Variants in PPP4R3B observed in about 807,000 individuals in gnomAD.
PPP4R3B encodes the protein protein phosphatase 4 regulatory subunit 3B.
Under a neutral mutation model 95.4 loss-of-function variants are expected in PPP4R3B, and 52 were observed. The ratio of observed to expected loss-of-function variants is 0.54; its 90% CI spans 0.44 to 0.69. The LOEUF (loss-of-function observed/expected upper bound fraction) is 0.69, where lower values mean the gene tolerates loss of function less well. PPP4R3B is among the 30% of genes least tolerant of loss of function. The pLI is 0.00. For synonymous variants in PPP4R3B, 407 were observed against 343.9 expected (o/e 1.18, Z -2.03); for missense variants, 1,003 against 1,005.9 (o/e 1.00, Z 0.04).
chr2:55,594,215 T>C (rs537355972), intron 4 of PPP4R3B, among the ~76,000 whole-genome samples: 3 of 151,084 alleles, frequency 2.0e-5, no homozygotes, highest in African/African-American at 7.3e-5. Flanking sequence ...AATATCACGG[T>C]GATGGGTACA....
intron 13 of PPP4R3B, 75 bp from the exon 14 acceptor site, chr2:55,565,116 G>A: frequency 3.2e-6 from 4 of 1,240,948 alleles, no homozygotes; most frequent in Non-Finnish European, 4.3e-6. Flanking sequence ...ATTTTGTTTT[G>A]TAGTTCTAAA....
chr2:55,598,367 G>A (rs1460339644), intron 4 of PPP4R3B, 49 bp downstream of exon 4: 3 of 1,566,408 alleles, frequency 1.9e-6, no homozygotes, highest in East Asian at 4.5e-5. Context: ...ACTATTAAGG[G>A]AACTAAATAT....
Position 55,598,888 on chromosome 2 carries a change from G to A in PPP4R3B, c.449C>T (p.Thr150Ile), listed in dbSNP as rs755566895. The change falls in exon 4 of 17, where the codon ACC (threonine) becomes ATC (isoleucine). Residue 150 changes from threonine to isoleucine, a missense_variant. By Grantham distance (89) the Thr-to-Ile change is moderately conservative. Transcript: ENST00000616407. ...ACGGATAGGTGAGGAGAGCACTGAG[G>A]TAACTAAGTCAGCAATCTCTTCAAG... The part of the protein sequence containing the change: ...NKLEEIADLV[T>I]SVLSSPIRRE... The A allele has an allele frequency of 1.2e-6, 2 of 1,614,196 alleles. No homozygotes were observed. The highest frequency in any genetic ancestry group is 1.7e-5 in the Admixed American group (1 of 60,024).
intron 9 of PPP4R3B, 91 bp downstream of exon 9, chr2:55,579,587 AT>A (rs1689163790): frequency 2.6e-6 from 2 of 773,472 alleles, no homozygotes; most frequent in South Asian, 2.8e-5. Context: ...TCCCTGTCTT[AT>A]AAAGTCTCAA....
At chr2:55,608,320 T>C (rs955752915) in intron 2 of PPP4R3B, among the ~76,000 whole-genome samples, 1 of 152,180 alleles carries the variant, frequency 6.6e-6, no homozygotes, top group Non-Finnish European at 1.5e-5. Context: ...TTCTTAACTT[T>C]AAATTCTTTT....
At chr2:55,586,790 ATAG>A (rs1690205308) in intron 5 of PPP4R3B, 56 bp from the exon 6 acceptor site, 2 of 1,014,822 alleles carry the variant, frequency 2.0e-6, no homozygotes, top group Non-Finnish European at 3.0e-6. Flanking sequence ...GGGGCACACT[ATAG>A]TAATCATCTA....
At chr2:55,577,980 T>C (rs1447710372) in intron 10 of PPP4R3B, among the ~76,000 whole-genome samples, 3 of 152,126 alleles carry the variant, frequency 2.0e-5, no homozygotes, top group Non-Finnish European at 4.4e-5. Context: ...AGAGGCAGAA[T>C]GGCTGAATTA....
At chr2:55,579,181 A>C (rs1689105311) in intron 9 of PPP4R3B, among the ~76,000 whole-genome samples, 1 of 152,142 alleles carries the variant, frequency 6.6e-6, no homozygotes, top group African/African-American at 2.4e-5. Flanking sequence ...CGATTACATA[A>C]GAAAGAGAAT....
At chr2:55,610,810 T>C (rs1264222270) in intron 2 of PPP4R3B, among the ~76,000 whole-genome samples, 1 of 152,188 alleles carries the variant, frequency 6.6e-6, no homozygotes, top group Non-Finnish European at 1.5e-5. Context: ...CAATGAGGAT[T>C]TTCTTAAACC....
rs184820095 is a variant in PPP4R3B at position 55,605,868 on chromosome 2, T to C, written c.199-1792A>G. ...CTGCAGTGAGCCGAGATCAAGCCATTGCACTCCAGCCTGGCAACAGTGCGA... is the reference window on the plus strand; with the variant it reads ...CTGCAGTGAGCCGAGATCAAGCCATCGCACTCCAGCCTGGCAACAGTGCGA... On this transcript the variant is annotated intron_variant, in intron 2 of 16. Coordinates refer to ENST00000616407, the MANE Select transcript of PPP4R3B (RefSeq NM_001122964.3). Among the ~76,000 whole-genome samples the C allele has an allele frequency of 1.6e-4, 23 of 148,028 alleles. No individual in the cohort carries two copies. In the Admixed American group the frequency reaches 1.6e-3, roughly 10 times the overall value.
At chr2:55,604,771 G>A (rs1050136337) in intron 2 of PPP4R3B, among the ~76,000 whole-genome samples, 1 of 150,780 alleles carries the variant, frequency 6.6e-6, no homozygotes, top group Non-Finnish European at 1.5e-5. Flanking sequence ...TAGAAACCAA[G>A]GTTTGGATTT....
At chr2:55,568,909 G>A (rs1226503634) in intron 12 of PPP4R3B, among the ~76,000 whole-genome samples, 1 of 152,156 alleles carries the variant, frequency 6.6e-6, no homozygotes, top group Non-Finnish European at 1.5e-5. Flanking sequence ...TACAGCTAAA[G>A]TGTGGGCAGC....
chr2:55,600,728 G>C (rs1431977919), intron 3 of PPP4R3B, among the ~76,000 whole-genome samples: 2 of 151,200 alleles, frequency 1.3e-5, no homozygotes, highest in East Asian at 3.9e-4. Flanking sequence ...TCCAAAGGTG[G>C]AAAAGTCTGA....
At chr2:55,610,434 C>T (rs141079745) in intron 2 of PPP4R3B, among the ~76,000 whole-genome samples, 25 of 152,146 alleles carry the variant, frequency 1.6e-4, no homozygotes, top group Non-Finnish European at 2.8e-4. Context: ...GGGGAGAAAC[C>T]ACTGCTACAA....
intron 16 of PPP4R3B, 101 bp downstream of exon 16, chr2:55,558,674 T>C (rs1686170830): frequency 1.2e-6 from 1 of 800,794 alleles, no homozygotes; most frequent in Non-Finnish European, 2.0e-6. Flanking sequence ...TTCTAAACAA[T>C]TCATTGAAAT....
intron 7 of PPP4R3B, among the ~76,000 whole-genome samples, chr2:55,583,358 GGTT>G (rs888424444): frequency 1.3e-5 from 2 of 151,852 alleles, no homozygotes; most frequent in Non-Finnish European, 2.9e-5. Context: ...ACCCCTAGAA[GGTT>G]GTTATAAGAA....
chr2:55,611,946 T>G (rs1694225747), intron 2 of PPP4R3B, among the ~76,000 whole-genome samples: 1 of 152,168 alleles, frequency 6.6e-6, no homozygotes, highest in East Asian at 1.9e-4. Flanking sequence ...TTGTGCAGGC[T>G]GTTCCCGAAA....
intron 2 of PPP4R3B, among the ~76,000 whole-genome samples, chr2:55,611,709 A>C (rs1694187517): frequency 6.6e-6 from 1 of 152,230 alleles, no homozygotes; most frequent in South Asian, 2.1e-4. Flanking sequence ...GAAGAATGTT[A>C]AACATTCCCC....
intron 15 of PPP4R3B, among the ~76,000 whole-genome samples, chr2:55,562,344 C>T (rs1686738602): frequency 6.6e-6 from 1 of 152,112 alleles, no homozygotes; most frequent in South Asian, 2.1e-4. Flanking sequence ...ATTGCTTGAG[C>T]CCAGGAGGCA....
Sources: allele counts gnomAD v4.1 joint callset (sites outside exome capture counted in the v4.1 genomes callset), GRCh38; gene constraint gnomAD v4.1.1; transcripts MANE v1.5; gene names NCBI Gene and HGNC (gene_info 2026-07-23, HGNC 2026-07-21).